The following SGCZ variants were observed in gnomAD, a reference collection of about 807,000 sequenced individuals.
SGCZ encodes zeta-sarcoglycan.
SGCZ carries 40 observed loss-of-function variants against 41.3 expected under a neutral mutation model. That is an observed-to-expected ratio of 0.97 (90% CI 0.75 to 1.26). The LOEUF (loss-of-function observed/expected upper bound fraction) is 1.26. SGCZ is among the 50% of genes most tolerant of loss of function. The pLI, the probability that SGCZ is intolerant of heterozygous loss-of-function variation, is 0.00. For synonymous variants in SGCZ, 206 were observed against 137.5 expected (o/e 1.50, Z -3.49); for missense variants, 552 against 369.8 (o/e 1.49, Z -4.04).
At chr8:14,359,222 C>T (rs1803414704) in intron 2 of SGCZ, among the ~76,000 whole-genome samples, 1 of 151,934 alleles carries the variant, frequency 6.6e-6, no homozygotes, top group Non-Finnish European at 1.5e-5. Context: ...AGAAAGGATC[C>T]TAAAATCACC....
chr8:15,144,414 T>C (rs565155806), intron 1 of SGCZ, among the ~76,000 whole-genome samples: 9 of 152,262 alleles, frequency 5.9e-5, no homozygotes, highest in African/African-American at 1.2e-4. Context: ...AGGCTTTTCA[T>C]GCAACAGGCT....
intron 1 of SGCZ, among the ~76,000 whole-genome samples, chr8:15,114,687 A>T (rs1563133834): frequency 6.6e-6 from 1 of 152,132 alleles, no homozygotes; most frequent in African/African-American, 2.4e-5. Flanking sequence ...GATCTGAGCT[A>T]AAAGTTTATA....
At chr8:15,205,788 T>C (rs976979965) in intron 1 of SGCZ, among the ~76,000 whole-genome samples, 5 of 152,152 alleles carry the variant, frequency 3.3e-5, no homozygotes, top group African/African-American at 1.2e-4. Context: ...ATGTACATCA[T>C]TTTACCATAA....
chr8:14,945,073 A>T (rs935524427), intron 1 of SGCZ, among the ~76,000 whole-genome samples: 15 of 149,100 alleles, frequency 1.0e-4, no homozygotes, highest in Admixed American at 2.7e-4. Flanking sequence ...GAAGCACCTT[A>T]TTCAAGTACA....
intron 2 of SGCZ, among the ~76,000 whole-genome samples, chr8:14,414,606 G>A (rs78638015): frequency 0.063 from 9,605 of 151,982 alleles, 455 homozygotes; most frequent in Middle Eastern, 0.13. Context: ...GGATAGCTGA[G>A]AAAATGTGTG....
intron 1 of SGCZ, among the ~76,000 whole-genome samples, chr8:14,700,751 T>C (rs1226940969): frequency 6.6e-6 from 1 of 152,014 alleles, no homozygotes; most frequent in East Asian, 1.9e-4. Flanking sequence ...TTATTGAATA[T>C]GATAAAGCAC....
At chr8:14,954,520 A>T (rs1246229179) in intron 1 of SGCZ, among the ~76,000 whole-genome samples, 4 of 152,130 alleles carry the variant, frequency 2.6e-5, no homozygotes, top group African/African-American at 9.7e-5. Flanking sequence ...AGCTTCCACG[A>T]TTGCATTACA....
chr8:14,125,494 A>C (rs182089790), intron 5 of SGCZ, among the ~76,000 whole-genome samples: 11 of 131,792 alleles, frequency 8.3e-5, no homozygotes, highest in African/African-American at 3.6e-4. Context: ...ACAGAGAAAG[A>C]TTCCGTCTCA....
intron 1 of SGCZ, among the ~76,000 whole-genome samples, chr8:14,568,992 A>T (rs1021299435): frequency 1.3e-5 from 2 of 152,170 alleles, no homozygotes; most frequent in African/African-American, 4.8e-5. Context: ...TGGAAATTGG[A>T]AAAGCTGTAC....
chr8:14,486,212 C>T (rs889857151), intron 2 of SGCZ, among the ~76,000 whole-genome samples: 1 of 152,086 alleles, frequency 6.6e-6, no homozygotes, highest in Non-Finnish European at 1.5e-5. Flanking sequence ...TCAAACTTGC[C>T]TACACTTCCT....
At chr8:15,013,049 T>TA (rs1379502904) in intron 1 of SGCZ, among the ~76,000 whole-genome samples, 1 of 152,134 alleles carries the variant, frequency 6.6e-6, no homozygotes, top group Admixed American at 6.6e-5. Context: ...GGTGGATTTT[T>TA]AAGAAATGGA....
At chr8:14,744,446 T>C (rs1332864624) in intron 1 of SGCZ, among the ~76,000 whole-genome samples, 1 of 152,126 alleles carries the variant, frequency 6.6e-6, no homozygotes, top group Non-Finnish European at 1.5e-5. Context: ...TTGGTGGATG[T>C]CATTTGGAGA....
At chr8:14,940,426 A>G (rs549988926) in intron 1 of SGCZ, among the ~76,000 whole-genome samples, 72 of 152,300 alleles carry the variant, frequency 4.7e-4, no homozygotes, top group Middle Eastern at 6.8e-3. Context: ...ATATTTACAC[A>G]CTCAAATTAT....
chr8:14,701,334 G>A (rs1184132484), intron 1 of SGCZ, among the ~76,000 whole-genome samples: 1 of 151,810 alleles, frequency 6.6e-6, no homozygotes, highest in Non-Finnish European at 1.5e-5. Context: ...TACTTTTATT[G>A]ACAGAAGTAC....
At chr8:14,435,769 A>T (rs769494384) in intron 2 of SGCZ, among the ~76,000 whole-genome samples, 1 of 152,234 alleles carries the variant, frequency 6.6e-6, no homozygotes. Flanking sequence ...AACTGCAAAT[A>T]CGTGAACTTG....
At chr8:14,955,554 C>G (rs964867501) in intron 1 of SGCZ, among the ~76,000 whole-genome samples, 3 of 152,134 alleles carry the variant, frequency 2.0e-5, no homozygotes, top group Admixed American at 6.5e-5. Context: ...CATATTGTTA[C>G]CGATACATGG....
At chr8:14,446,423 G>T (rs1187215981) in intron 2 of SGCZ, among the ~76,000 whole-genome samples, 1 of 152,116 alleles carries the variant, frequency 6.6e-6, no homozygotes, top group African/African-American at 2.4e-5. Context: ...AGACCACCCT[G>T]GTTGGCAACT....
intron 1 of SGCZ, among the ~76,000 whole-genome samples, chr8:15,097,069 G>A (rs959780287): frequency 6.6e-6 from 1 of 152,078 alleles, no homozygotes; most frequent in East Asian, 1.9e-4. Context: ...TCCTGCCTCA[G>A]CCTCCTGAAT....
In SGCZ at chr8:14,138,512, CAA is replaced by C. The variant is rs34148689; in HGVS notation, c.547+26066_547+26067del. ...GAAGATCTACCAAGCAAAGGGAAAA[CAA>C]AAAAAAAAAAAGGGGGGGTTGCATT... On this transcript the variant is annotated intron_variant, in intron 5 of 7. Coordinates refer to ENST00000382080, the MANE Select transcript of SGCZ (RefSeq NM_139167.4). Among the ~76,000 whole-genome samples the C allele has an allele frequency of 1.8e-3, 115 of 63,436 alleles. No individual in the cohort carries two copies. The South Asian group carries it at 0.02, about 11-fold the overall frequency. The allele number at this position is 63,436 out of a possible 152,430, so 41.6% of individuals were successfully genotyped here.
Sources: allele counts gnomAD v4.1 joint callset (sites outside exome capture counted in the v4.1 genomes callset), GRCh38; gene constraint gnomAD v4.1.1; transcripts MANE v1.5; gene names NCBI Gene and HGNC (gene_info 2026-07-23, HGNC 2026-07-21).